Variants in UST observed in about 807,000 individuals in gnomAD.
UST encodes the protein chondroitin sulfate 2-O-sulfotransferase.
A neutral mutation model predicts 45.6 loss-of-function variants in UST; 21 were observed. The observed-to-expected ratio is 0.46, with a 90% confidence interval of 0.33 to 0.66. UST has a LOEUF of 0.66. Among genes scored for constraint, UST ranks in the 30% least tolerant of loss-of-function variants. The pLI, the probability that UST is intolerant of heterozygous loss-of-function variation, is 0.02. For missense variants in UST, 463 were observed against 512.4 expected (o/e 0.90, Z 0.93); for synonymous variants, 215 against 200.6 (o/e 1.07, Z -0.61).
At chr6:148,784,487 C>A (rs749656266) in intron 1 of UST, among the ~76,000 whole-genome samples, 1 of 152,204 alleles carries the variant, frequency 6.6e-6, no homozygotes, top group Non-Finnish European at 1.5e-5. Context: ...TACCCATTCA[C>A]GAGGAACTGT....
At chr6:149,045,263 T>A (rs1002555664) in intron 7 of UST, among the ~76,000 whole-genome samples, 2 of 152,212 alleles carry the variant, frequency 1.3e-5, no homozygotes, top group African/African-American at 2.4e-5. Context: ...GGGTTTTTAT[T>A]TTGAGAGTTG....
At position 148,941,356 on chromosome 6, in the gene UST, A is replaced by G; in HGVS notation, c.369A>G (p.Arg123=). 6.2e-7 allele frequency: 1 copy of G among 1,612,952 alleles called. No individual in the cohort carries two copies. The highest frequency in any genetic ancestry group is 8.5e-7 in the Non-Finnish European group (1 of 1,179,816). The change falls in exon 3 of 8, where the codon AGA becomes AGG. Residue 123 remains arginine, a synonymous_variant. Coordinates refer to ENST00000367463, the MANE Select transcript of UST (RefSeq NM_005715.3). ...CGSRTVVLLL[R]ILSEKHGFNL... ...GCCGTACTGTGGTCTTGCTTCTGAG[A>G]ATCTTGTCGGAGAAGCACGGATTTA...
chr6:148,841,040 A>G (rs2114772541), intron 1 of UST, among the ~76,000 whole-genome samples: 1 of 76,376 alleles, frequency 1.3e-5, no homozygotes, highest in African/African-American at 5.7e-5. Context: ...GAACATTTTG[A>G]AATGAAAAAA....
intron 2 of UST, among the ~76,000 whole-genome samples, chr6:148,902,790 T>A (rs1465912433): frequency 6.6e-6 from 1 of 152,172 alleles, no homozygotes; most frequent in East Asian, 1.9e-4. Flanking sequence ...TTTTTTCTTT[T>A]CTTTGTCTTT....
At position 149,076,473 on chromosome 6, in the gene UST, A is replaced by G. The variant is rs924940661; in HGVS notation, c.*2357A>G. On this transcript the variant is annotated 3_prime_UTR_variant, in exon 8 of 8. Coordinates refer to ENST00000367463, the MANE Select transcript of UST (RefSeq NM_005715.3). ...GTGTTCAAAGGCATTTCTTTTCAGC[A>G]GTGATCATTATAACTTCACAAAAAA... 1 of 152,348 alleles carries G rather than the reference A, an allele frequency of 6.6e-6. No individual in the cohort carries two copies. Among genetic ancestry groups the G allele is most frequent in the African/African-American group, 2.4e-5 (1 of 41,464 alleles). The allele number at this position is 152,348 out of a possible 1,614,324, so 9.4% of individuals were successfully genotyped here. A position where few individuals can be genotyped will look rare whatever the true frequency, so the allele number is the denominator to read the frequency against.
chr6:148,918,367 C>T (rs186031539), intron 2 of UST, among the ~76,000 whole-genome samples: 2 of 152,282 alleles, frequency 1.3e-5, no homozygotes, highest in Non-Finnish European at 2.9e-5. Context: ...CGCTTTTCCC[C>T]CAGCCTATCT....
At chr6:148,816,747 G>A (rs1475960669) in intron 1 of UST, among the ~76,000 whole-genome samples, 1 of 152,110 alleles carries the variant, frequency 6.6e-6, no homozygotes, top group African/African-American at 2.4e-5. Flanking sequence ...ACAGAGAATA[G>A]GATATGGAAC....
intron 5 of UST, chr6:148,990,505 A>G (rs1284348953): frequency 1.6e-6 from 1 of 606,316 alleles, no homozygotes; most frequent in Non-Finnish European, 2.1e-6. Context: ...GGATAAAATT[A>G]CAATCCCAGA....
intron 5 of UST, among the ~76,000 whole-genome samples, chr6:148,998,785 G>A (rs1781495448): frequency 6.6e-6 from 1 of 152,218 alleles, no homozygotes; most frequent in South Asian, 2.1e-4. Flanking sequence ...AATATAATCA[G>A]CGCAGCCCCT....
At chr6:148,787,796 A>G (rs1241843788) in intron 1 of UST, among the ~76,000 whole-genome samples, 1 of 152,224 alleles carries the variant, frequency 6.6e-6, no homozygotes, top group African/African-American at 2.4e-5. Flanking sequence ...GGTCATTTTC[A>G]TGATATTGAT....
intron 5 of UST, among the ~76,000 whole-genome samples, chr6:149,010,199 A>G (rs1352652641): frequency 6.6e-6 from 1 of 152,214 alleles, no homozygotes; most frequent in African/African-American, 2.4e-5. Context: ...TGTAACTATG[A>G]TAAATATTTT....
intron 7 of UST, among the ~76,000 whole-genome samples, chr6:149,065,657 G>A (rs1016271517): frequency 2.0e-5 from 3 of 152,106 alleles, no homozygotes; most frequent in Non-Finnish European, 2.9e-5. Context: ...TTCTCCATCT[G>A]CAAAAGAGGG....
intron 2 of UST, among the ~76,000 whole-genome samples, chr6:148,904,008 G>T (rs548792263): frequency 5.3e-5 from 8 of 152,314 alleles, no homozygotes; most frequent in African/African-American, 1.4e-4. Context: ...TAACCAAAAT[G>T]ATCTTGGGAG....
chr6:148,847,265 AC>A (rs1190691489), intron 1 of UST, among the ~76,000 whole-genome samples: 1 of 152,224 alleles, frequency 6.6e-6, no homozygotes, highest in African/African-American at 2.4e-5. Flanking sequence ...TCACAAGGCT[AC>A]AGTCAAAGTG....
chr6:148,835,915 T>C (rs1482007954), intron 1 of UST, among the ~76,000 whole-genome samples: 1 of 152,170 alleles, frequency 6.6e-6, no homozygotes, highest in Non-Finnish European at 1.5e-5. Flanking sequence ...GTATGTGTTT[T>C]CCTCTAATGA....
chr6:148,841,598 CTGTCA>C (rs1269879955), intron 1 of UST, among the ~76,000 whole-genome samples: 216 of 112,968 alleles, frequency 1.9e-3, no homozygotes, highest in African/African-American at 7.8e-3. Flanking sequence ...TTTTTTTTTT[CTGTCA>C]TGTGTTTGAA....
chr6:148,860,723 C>T (rs1293776030), intron 1 of UST, among the ~76,000 whole-genome samples: 23 of 152,088 alleles, frequency 1.5e-4, no homozygotes, highest in East Asian at 1.9e-4. Context: ...TGAATTTTGT[C>T]GAAGGCCTTT....
chr6:149,066,719 A>C (rs1024217224), intron 7 of UST, among the ~76,000 whole-genome samples: 1 of 152,166 alleles, frequency 6.6e-6, no homozygotes, highest in Non-Finnish European at 1.5e-5. Context: ...CACCCTCTGA[A>C]GCTTACTTGA....
At chr6:148,859,995 A>G (rs1400339323) in intron 1 of UST, among the ~76,000 whole-genome samples, 7 of 152,202 alleles carry the variant, frequency 4.6e-5, no homozygotes, top group Non-Finnish European at 5.9e-5. Context: ...TTGGTTCCAC[A>G]TGAACTTTAA....
Sources: gnomAD v4.1 joint callset for allele counts (sites outside exome capture counted in the v4.1 genomes callset) on GRCh38, gnomAD v4.1.1 for gene constraint, MANE v1.5 for transcripts, NCBI Gene and HGNC (gene_info 2026-07-23, HGNC 2026-07-21) for gene names.